The following ASH1L variants were observed in gnomAD, a reference collection of about 807,000 sequenced individuals.
The protein encoded by ASH1L is ASH1 like histone lysine methyltransferase.
In ASH1L, 23 loss-of-function variants were observed where a neutral mutation model predicts 269.0. The ratio of observed to expected loss-of-function variants is 0.09; its 90% CI spans 0.06 to 0.12. The LOEUF is 0.12. ASH1L is among the 10% of genes least tolerant of loss of function. The pLI is 1.00. For missense variants in ASH1L, 2,912 were observed against 3,567.8 expected, an observed-to-expected ratio of 0.82 and a Z score of 4.68; for synonymous variants, 1,187 against 1,253.5, an observed-to-expected ratio of 0.95 and a Z score of 1.12.
At chr1:155,475,802 C>T (rs1665491350) in intron 3 of ASH1L, among the ~76,000 whole-genome samples, 1 of 152,182 alleles carries the variant, frequency 6.6e-6, no homozygotes, top group Non-Finnish European at 1.5e-5. Flanking sequence ...TTTAGGATCA[C>T]CTTCTCAGGA....
intron 1 of ASH1L, among the ~76,000 whole-genome samples, chr1:155,556,219 A>G (rs1031009719): frequency 6.6e-6 from 1 of 152,144 alleles, no homozygotes; most frequent in Non-Finnish European, 1.5e-5. Context: ...CTACCTGTAC[A>G]TAAAATTTAA....
At chr1:155,341,423 A>G (rs903658630) in intron 25 of ASH1L, among the ~76,000 whole-genome samples, 8 of 151,952 alleles carry the variant, frequency 5.3e-5, no homozygotes, top group Admixed American at 3.3e-4. Flanking sequence ...TGATCCGCCC[A>G]CCTTGGCCTC....
intron 5 of ASH1L, among the ~76,000 whole-genome samples, chr1:155,423,879 G>A (rs926198895): frequency 3.3e-5 from 5 of 152,128 alleles, no homozygotes; most frequent in South Asian, 4.1e-4. Context: ...ACAGGCGCCC[G>A]CCACCACTCC....
intron 6 of ASH1L, among the ~76,000 whole-genome samples, chr1:155,412,261 T>G (rs1159129449): frequency 6.6e-6 from 1 of 150,900 alleles, no homozygotes; most frequent in Non-Finnish European, 1.5e-5. Flanking sequence ...AAAAAAAATT[T>G]AGCTGGGTGT....
intron 2 of ASH1L, among the ~76,000 whole-genome samples, chr1:155,484,962 C>A (rs6694058): frequency 0.31 from 37,015 of 120,052 alleles, 6,051 homozygotes; most frequent in East Asian, 0.66. Context: ...AAAACAAAAA[C>A]AAAAACCAAC....
intron 6 of ASH1L, among the ~76,000 whole-genome samples, chr1:155,408,707 A>G (rs1011579722): frequency 6.6e-6 from 1 of 152,106 alleles, no homozygotes; most frequent in Admixed American, 6.6e-5. Flanking sequence ...TTCCTATAAA[A>G]TGCTAATAGA....
In ASH1L at chr1:155,480,691, T is replaced by C. The variant is rs758941773; in HGVS notation, c.2179A>G (p.Thr727Ala). ...PRWTKVVARS[T>A]CRSPKGLELE... ...TCTAGCCCTTTTGGAGACCGGCATG[T>C]GCTTCTTGCCACCACTTTAGTCCAC... The change falls in exon 3 of 28, where the codon ACA (threonine) becomes GCA (alanine). Residue 727 changes from threonine (T) to alanine (A), a missense_variant. Thr to Ala is a moderately conservative substitution (Grantham distance 58). Coordinates refer to ENST00000392403, the MANE Select transcript of ASH1L (RefSeq NM_018489.3). 6.2e-7 allele frequency: 1 copy of C among 1,613,852 alleles called. No individual in the cohort carries two copies. The highest frequency in any genetic ancestry group is 1.1e-5 in the South Asian group (1 of 91,036).
chr1:155,548,087 G>A (rs1053421363), intron 1 of ASH1L, among the ~76,000 whole-genome samples: 1 of 152,088 alleles, frequency 6.6e-6, no homozygotes, highest in Admixed American at 6.6e-5. Flanking sequence ...AACACCGCAT[G>A]TTCTCACCCA....
At chr1:155,535,640 C>A (rs1165234438) in intron 1 of ASH1L, among the ~76,000 whole-genome samples, 5 of 148,374 alleles carry the variant, frequency 3.4e-5, no homozygotes, top group Non-Finnish European at 5.9e-5. Context: ...GGCAAGACCC[C>A]ATCTCTTAAA....
Position 155,479,568 on chromosome 1 carries a change from T to G in ASH1L, c.3302A>C (p.Glu1101Ala). The G allele has an allele frequency of 6.2e-7, 1 of 1,614,132 alleles. No homozygotes were observed. Among genetic ancestry groups the G allele is most frequent in the Non-Finnish European group, 8.5e-7 (1 of 1,180,016 alleles). The change falls in exon 3 of 28, where the codon GAG becomes GCG. Residue 1101 changes from glutamate to alanine, a missense_variant. Transcript: ENST00000392403. ...PLLPSSASSS[E>A]ILPSPICSQS... ...AGAGCAAATAGGTGATGGAAGAATC[T>G]CAGAACTACTAGCAGATGAAGGCAG... is the stretch of plus-strand genomic sequence containing the variant.
intron 2 of ASH1L, among the ~76,000 whole-genome samples, chr1:155,498,619 TTA>T (rs1667308334): frequency 6.6e-6 from 1 of 152,038 alleles, no homozygotes; most frequent in Non-Finnish European, 1.5e-5. Flanking sequence ...TTTTGTAGTT[TTA>T]GTCGAGATGG....
At chr1:155,517,409 A>G (rs1319098380) in intron 2 of ASH1L, among the ~76,000 whole-genome samples, 2 of 152,106 alleles carry the variant, frequency 1.3e-5, no homozygotes, top group African/African-American at 4.8e-5. Context: ...CAGGCAGATC[A>G]TTTGAGCTCA....
intron 1 of ASH1L, among the ~76,000 whole-genome samples, chr1:155,525,425 GAAT>G (rs1485205627): frequency 3.3e-5 from 5 of 151,292 alleles, no homozygotes; most frequent in Admixed American, 2.6e-4. Flanking sequence ...TAATTTCCAT[GAAT>G]AATGATAAAT....
intron 1 of ASH1L, among the ~76,000 whole-genome samples, chr1:155,559,395 C>A (rs1671808509): frequency 6.6e-6 from 1 of 151,862 alleles, no homozygotes. Context: ...ATTAGCAGGG[C>A]ATGGTGGCAC....
intron 2 of ASH1L, among the ~76,000 whole-genome samples, chr1:155,498,744 C>T (rs902126278): frequency 2.0e-5 from 3 of 151,354 alleles, no homozygotes; most frequent in Admixed American, 6.6e-5. Flanking sequence ...CCTGACCAGC[C>T]GGCTAGTTTT....
intron 1 of ASH1L, among the ~76,000 whole-genome samples, chr1:155,538,254 G>T (rs1415637582): frequency 6.6e-6 from 1 of 152,010 alleles, no homozygotes; most frequent in African/African-American, 2.4e-5. Context: ...TTTTGGCCAG[G>T]TTGGTCTTGA....
At chr1:155,528,910 TGTC>T (rs1166429720) in intron 1 of ASH1L, among the ~76,000 whole-genome samples, 1 of 152,086 alleles carries the variant, frequency 6.6e-6, no homozygotes, top group Non-Finnish European at 1.5e-5. Flanking sequence ...GTCCATGTGT[TGTC>T]ATCATTTAGC....
Position 155,479,381 on chromosome 1 carries a change from A to G in ASH1L, c.3489T>C (p.Pro1163=), listed in dbSNP as rs752106069. The G allele has an allele frequency of 8.7e-5, 141 of 1,613,994 alleles. No individual in the cohort carries two copies. The highest frequency in any genetic ancestry group is 1.2e-4 in the Non-Finnish European group (138 of 1,180,006). The part of the protein sequence containing the change: ...KASKGRRRLS[P]PTLLPNSPSH... ...AAGGAGAATTTGGCAACAAAGTAGG[A>G]GGAGATAACCGCCTCCTCCCCTTTG... The change falls in exon 3 of 28, where the codon CCT becomes CCC. Residue 1163 remains proline (P), a synonymous_variant. Coordinates refer to ENST00000392403, the MANE Select transcript of ASH1L (RefSeq NM_018489.3).
chr1:155,400,189 T>A (rs1658710558), intron 6 of ASH1L, among the ~76,000 whole-genome samples: 1 of 151,890 alleles, frequency 6.6e-6, no homozygotes, highest in Non-Finnish European at 1.5e-5. Flanking sequence ...CTACTAAAAT[T>A]ATAAAAAATT....
Sources: allele counts gnomAD v4.1 joint callset (sites outside exome capture counted in the v4.1 genomes callset), GRCh38; gene constraint gnomAD v4.1.1; transcripts MANE v1.5; gene names NCBI Gene and HGNC (gene_info 2026-07-23, HGNC 2026-07-21).